KIF1C: variants seen among roughly 807,000 people sequenced by gnomAD.
The protein encoded by KIF1C is kinesin family member 1C.
A neutral mutation model predicts 126.5 loss-of-function variants in KIF1C; 61 were observed. The observed-to-expected ratio is 0.48, with a 90% CI of 0.39 to 0.60. The LOEUF is 0.60. Ranked by LOEUF, KIF1C falls within the 20% of genes least tolerant of loss-of-function variation. The probability of loss-of-function intolerance (pLI) is 0.00; values close to 1 mark genes in which losing one functional copy is unlikely to be tolerated. For missense variants in KIF1C, 1,315 were observed against 1,489.2 expected (o/e 0.88, Z 1.93); for synonymous variants, 640 against 580.6 (o/e 1.10, Z -1.47).
chr17:5,014,041 G>T (rs1315317219), intron 17 of KIF1C, among the ~76,000 whole-genome samples: 3 of 152,186 alleles, frequency 2.0e-5, no homozygotes, highest in Non-Finnish European at 4.4e-5. Flanking sequence ...CCTTGGTGGG[G>T]CCTTCCCTGG....
intron 5 of KIF1C, 41 bp from the exon 6 acceptor site, chr17:5,002,018 T>G: frequency 6.3e-7 from 1 of 1,587,712 alleles, no homozygotes; most frequent in African/African-American, 1.3e-5. Flanking sequence ...AGGTGTGCCC[T>G]GAACAGGAGC....
At chr17:5,021,322 G>A (rs1274604212) in intron 21 of KIF1C, among the ~76,000 whole-genome samples, 2 of 151,820 alleles carry the variant, frequency 1.3e-5, no homozygotes, top group South Asian at 2.1e-4. Flanking sequence ...ACAGGAGCCC[G>A]CCACCATGCC....
At chr17:5,008,608 A>T (rs1974789178) in intron 16 of KIF1C, among the ~76,000 whole-genome samples, 1 of 152,354 alleles carries the variant, frequency 6.6e-6, no homozygotes, top group South Asian at 2.1e-4. Context: ...GGGACTAAGC[A>T]AGCAGGGATC....
At chr17:4,999,563 A>C (rs1597837002) in intron 1 of KIF1C, among the ~76,000 whole-genome samples, 1 of 149,216 alleles carries the variant, frequency 6.7e-6, no homozygotes, top group South Asian at 2.2e-4. Flanking sequence ...CTCTCTTCCC[A>C]CCCCCCTCAC....
rs8077993 is a variant in KIF1C, at chr17:5,023,303, G to A, written c.2629-165G>A. 0.081 allele frequency among the ~76,000 whole-genome samples: 12,282 copies of A among 152,106 alleles called. 668 individuals are homozygous for A. The highest frequency in any genetic ancestry group is 0.12 in the Middle Eastern group (35 of 294). ...CAAAGTGCTGCGATTACAGGCGTGA[G>A]CCACTGCGCCCGGCCCTAAACCACT... On this transcript the variant is annotated intron_variant, in intron 22 of 22. Coordinates refer to ENST00000320785, the MANE Select transcript of KIF1C (RefSeq NM_006612.6). This position sits in a 1 kb window ranked among gnomAD's most constrained non-coding sequence, Gnocchi z 4.2.
rs1356614549 is a variant in KIF1C, at chr17:5,003,881, A to G, written c.829A>G (p.Thr277Ala). 6 of 1,613,792 alleles carry G rather than the reference A, an allele frequency of 3.7e-6. No homozygotes were observed. Among genetic ancestry groups the G allele is most frequent in the Non-Finnish European group, 5.1e-6 (6 of 1,179,790 alleles). The change falls in exon 10 of 23, where the codon ACA becomes GCA. Residue 277 changes from threonine to alanine, a missense_variant. Coordinates refer to ENST00000320785, the MANE Select transcript of KIF1C (RefSeq NM_006612.6). ...EGANINKSLT[T>A]LGKVISALAD... The stretch of plus-strand genomic sequence containing the variant: ...AGCCAACATCAATAAGTCCCTGACT[A>G]CACTAGGGAAAGTGATCTCGGCCCT...
intron 5 of KIF1C, 127 bp from the exon 6 acceptor site, chr17:5,001,932 A>G: frequency 1.2e-6 from 1 of 803,624 alleles, no homozygotes; most frequent in Non-Finnish European, 2.1e-6. Context: ...AAATGGGAAT[A>G]ACCCCTCCCT....
In KIF1C at chr17:5,016,287, G is replaced by A. The variant is rs149335074; in HGVS notation, c.1666+1450G>A. ...CGAGTAGCTGGGACTACAGGTGTGC[G>A]CCACCACACCCGGCTAATTTTGTAT... On this transcript the variant is annotated intron_variant, in intron 18 of 22. Coordinates refer to ENST00000320785, the MANE Select transcript of KIF1C (RefSeq NM_006612.6). Among the ~76,000 whole-genome samples, 1,480 of 151,950 alleles carry A rather than the reference G, an allele frequency of 9.7e-3. 22 individuals carry two copies. Among genetic ancestry groups the A allele is most frequent in the African/African-American group, 0.032 (1,329 of 41,458 alleles).
chr17:5,012,075 C>T (rs1310281090), intron 16 of KIF1C: 1 of 152,236 alleles, frequency 6.6e-6, no homozygotes, highest in Non-Finnish European at 1.5e-5. Context: ...CAATCAGAAA[C>T]TCCTCCATGA....
At chr17:5,004,182 T>G in intron 11 of KIF1C, 109 bp downstream of exon 11, 2 of 856,758 alleles carry the variant, frequency 2.3e-6, no homozygotes, top group South Asian at 2.7e-5. Context: ...CCCGTTGTCT[T>G]ACTTCTCCCC....
In KIF1C at chr17:5,023,574, G is replaced by A. The variant is rs147062279; in HGVS notation, c.2735G>A (p.Arg912Gln). ...AAPSDRMPSA[R>Q]PPSPPLSSWE... ...CCCAGTGACCGCATGCCGTCAGCCCGGCCCCCCTCGCCACCACTGTCAAGC... is the reference window on the plus strand; with the variant it reads ...CCCAGTGACCGCATGCCGTCAGCCCAGCCCCCCTCGCCACCACTGTCAAGC... Residue 912 changes from arginine (R) to glutamine (Q), a missense_variant, in exon 23 of 23, where the codon CGG becomes CAG. This residue lies in a region of KIF1C where 441 missense variants were observed against 436.1 expected (regional missense o/e 1.01). Coordinates refer to ENST00000320785, the MANE Select transcript of KIF1C (RefSeq NM_006612.6). This position sits in a 1 kb window ranked among gnomAD's most constrained non-coding sequence, Gnocchi z 4.2. 18 of 1,613,354 alleles carry A rather than the reference G, an allele frequency of 1.1e-5. No individual in the cohort carries two copies. The highest frequency in any genetic ancestry group is 9.3e-5 in the African/African-American group (7 of 74,880).
rs575117150 is a variant in KIF1C at position 5,027,917 on chromosome 17, A to AC, written c.*3768dup. 1 of 152,140 alleles carries AC rather than the reference A, an allele frequency of 6.6e-6. No individual in the cohort carries two copies. The highest frequency in any genetic ancestry group is 1.5e-5 in the Non-Finnish European group (1 of 68,036). 9.4% of individuals were successfully genotyped at this position (152,140 alleles called of 1,614,324 possible). A position where few individuals can be genotyped will look rare whatever the true frequency, so the allele number is the denominator to read the frequency against. On this transcript the variant is annotated 3_prime_UTR_variant, in exon 23 of 23. Transcript: ENST00000320785. Reference sequence around the variant, plus strand: ...AGCCTGGGAGGTCAAGGCTGCGGTGACCTGTGATTGCACCACCAGGAGACC... The same window carrying AC: ...AGCCTGGGAGGTCAAGGCTGCGGTGACCCTGTGATTGCACCACCAGGAGACC...
rs1215646394 is a variant in KIF1C, at chr17:5,028,293, A to G, written c.*4142A>G. 4 of 152,076 alleles carry G rather than the reference A, an allele frequency of 2.6e-5. No individual in the cohort carries two copies. The highest frequency in any genetic ancestry group is 5.9e-5 in the Non-Finnish European group (4 of 68,012). The allele number at this position is 152,076 out of a possible 1,614,324, so 9.4% of individuals were successfully genotyped here. A position where few individuals can be genotyped will look rare whatever the true frequency, so the allele number is the denominator to read the frequency against. ...TTTTGTTGGTTACTATTTTATTTTT[A>G]GCTTCTCACACCATACCGACATATG... On this transcript the variant is annotated 3_prime_UTR_variant, in exon 23 of 23. Transcript: ENST00000320785.
intron 18 of KIF1C, 118 bp downstream of exon 18, chr17:5,014,955 A>G: frequency 7.5e-6 from 6 of 803,472 alleles, no homozygotes; most frequent in Non-Finnish European, 1.2e-5. Context: ...TAAAGAGGGG[A>G]TGTGGCCTTG....
At chr17:5,006,558 A>T (rs1279549365) in intron 13 of KIF1C, among the ~76,000 whole-genome samples, 1 of 151,376 alleles carries the variant, frequency 6.6e-6, no homozygotes, top group Non-Finnish European at 1.5e-5. Flanking sequence ...CTGGTCTCGA[A>T]CTCCTGACCT....
intron 18 of KIF1C, chr17:5,019,731 C>T (rs1163448482): frequency 8.1e-6 from 4 of 495,904 alleles, no homozygotes; most frequent in Non-Finnish European, 1.5e-5. Flanking sequence ...GTTTTCTAAG[C>T]TGCTGCTGGG....
chr17:5,024,427 A>G lies in KIF1C; in HGVS notation c.*276A>G, dbSNP rs559516299. The G allele has an allele frequency of 4.9e-5, 9 of 183,794 alleles. No individual in the cohort carries two copies. The highest frequency in any genetic ancestry group is 4.3e-4 in the South Asian group (4 of 9,206). 11.4% of individuals were successfully genotyped at this position (183,794 alleles called of 1,614,324 possible). On this transcript the variant is annotated 3_prime_UTR_variant, in exon 23 of 23. Coordinates refer to ENST00000320785, the MANE Select transcript of KIF1C (RefSeq NM_006612.6). Reference sequence around the variant, plus strand: ...GGGGGTGTGTCCCACAAACGCTGCTATGGGTGGGGTGGGGGGCTGGGGTGC... The same window carrying G: ...GGGGGTGTGTCCCACAAACGCTGCTGTGGGTGGGGTGGGGGGCTGGGGTGC...
intron 16 of KIF1C, among the ~76,000 whole-genome samples, chr17:5,008,370 C>G (rs148710220): frequency 7.2e-6 from 1 of 138,546 alleles, no homozygotes; most frequent in Non-Finnish European, 1.6e-5. Flanking sequence ...GGCCAGTATA[C>G]CAGTGAAGGG....
rs377528420 is a variant in KIF1C at position 5,022,447 on chromosome 17, C to T, written c.2366C>T (p.Pro789Leu). The change falls in exon 22 of 23, where the codon CCA becomes CTA. Residue 789 changes from proline to leucine, a missense_variant. This residue lies in a region of KIF1C where 874 missense variants were observed against 1,053.2 expected (regional missense o/e 0.83). Transcript: ENST00000320785. The surrounding 1 kb of genome is among the most constrained non-coding windows in gnomAD (Gnocchi z 4.9). ...MRELCRTYGKPDGPGDAWRAV... is the reference protein window; with the variant it reads ...MRELCRTYGKLDGPGDAWRAV... ...GAGCTGTGTCGCACCTATGGCAAGC[C>T]AGACGGCCCCGGAGACGCCTGGAGG... 24 of 1,583,036 alleles carry T rather than the reference C, an allele frequency of 1.5e-5. No individual in the cohort carries two copies. In the African/African-American group the frequency reaches 2.6e-4, roughly 17 times the overall value.
Sources: allele counts gnomAD v4.1 joint callset (sites outside exome capture counted in the v4.1 genomes callset), GRCh38; gene constraint gnomAD v4.1.1; regional missense constraint gnomAD v4.1.1; non-coding constraint Gnocchi (gnomAD v3.1); transcripts MANE v1.5; gene names NCBI Gene and HGNC (gene_info 2026-07-23, HGNC 2026-07-21).